Variants in IQCK observed in about 807,000 individuals in gnomAD.
The protein encoded by IQCK is IQ motif containing K.
IQCK carries 29 observed loss-of-function variants against 28.1 expected under a neutral mutation model. The ratio of observed to expected loss-of-function variants is 1.03; its 90% CI spans 0.77 to 1.41. IQCK has a LOEUF of 1.41. Among genes scored for constraint, IQCK ranks in the 40% most tolerant of loss-of-function variants. The pLI is 0.00. For synonymous variants in IQCK, 113 were observed against 115.1 expected (o/e 0.98, Z 0.12); for missense variants, 359 against 314.7 (o/e 1.14, Z -1.07).
intron 4 of IQCK, 112 bp from the exon 5 acceptor site, chr16:19,763,736 C>A: frequency 2.4e-6 from 2 of 829,478 alleles, no homozygotes; most frequent in Admixed American, 2.0e-5. Context: ...AGCCACCACA[C>A]CCAGCCAGTG....
intron 3 of IQCK, among the ~76,000 whole-genome samples, chr16:19,734,184 A>G (rs1462357613): frequency 6.6e-6 from 1 of 151,972 alleles, no homozygotes; most frequent in African/African-American, 2.4e-5. Flanking sequence ...CCATCTCTAC[A>G]TCTCTACAAA....
intron 9 of IQCK, among the ~76,000 whole-genome samples, chr16:19,852,137 T>C (rs2056491006): frequency 6.6e-6 from 1 of 152,128 alleles, no homozygotes; most frequent in African/African-American, 2.4e-5. Flanking sequence ...ATTCCATCCC[T>C]CCCCTCCTCA....
chr16:19,755,181 G>C (rs540939870), intron 4 of IQCK, among the ~76,000 whole-genome samples: 28 of 152,292 alleles, frequency 1.8e-4, no homozygotes, highest in African/African-American at 6.0e-4. Flanking sequence ...GAAAATACGT[G>C]GGAAAGGAGG....
intron 9 of IQCK, among the ~76,000 whole-genome samples, chr16:19,850,941 T>G (rs1293806360): frequency 1.3e-5 from 2 of 152,290 alleles, no homozygotes; most frequent in East Asian, 3.9e-4. Flanking sequence ...AAGGACCATT[T>G]GAGCCCAGGA....
chr16:19,759,451 C>A (rs146692898), intron 4 of IQCK, among the ~76,000 whole-genome samples: 1 of 152,010 alleles, frequency 6.6e-6, no homozygotes, highest in African/African-American at 2.4e-5. Flanking sequence ...TCAGGTGATC[C>A]GCCTGCCTCG....
chr16:19,756,012 G>T (rs1164610265), intron 4 of IQCK, among the ~76,000 whole-genome samples: 1 of 152,128 alleles, frequency 6.6e-6, no homozygotes, highest in Non-Finnish European at 1.5e-5. Context: ...GCAAGACCTT[G>T]TCTTTACTAA....
chr16:19,719,560 A>G (rs1165740106), intron 1 of IQCK, among the ~76,000 whole-genome samples: 1 of 151,012 alleles, frequency 6.6e-6, no homozygotes, highest in Admixed American at 6.6e-5. Context: ...ACTGCACTCC[A>G]GCCTGGGTGA....
At chr16:19,722,609 TC>T (rs1390561604) in intron 1 of IQCK, among the ~76,000 whole-genome samples, 7 of 152,330 alleles carry the variant, frequency 4.6e-5, no homozygotes, top group Admixed American at 3.9e-4. Context: ...GGAACTGTTT[TC>T]AATGCTGGGC....
intron 2 of IQCK, among the ~76,000 whole-genome samples, chr16:19,732,327 T>C (rs1858973): frequency 0.16 from 24,731 of 152,180 alleles, 2,165 homozygotes; most frequent in South Asian, 0.26. Context: ...TACTTGTGGG[T>C]TTGTTTTCTG....
intron 6 of IQCK, among the ~76,000 whole-genome samples, chr16:19,784,943 ACT>A (rs2055541916): frequency 1.3e-5 from 2 of 152,030 alleles, no homozygotes; most frequent in Non-Finnish European, 2.9e-5. Flanking sequence ...TAAATTTTGT[ACT>A]TTTAGTAGAG....
At chr16:19,815,627 C>T (rs902562784) in intron 7 of IQCK, among the ~76,000 whole-genome samples, 3 of 152,174 alleles carry the variant, frequency 2.0e-5, no homozygotes, top group Non-Finnish European at 2.9e-5. Context: ...GCTGCGATTG[C>T]ACCACTGCAT....
intron 4 of IQCK, among the ~76,000 whole-genome samples, chr16:19,741,699 A>G (rs867147912): frequency 1.4e-4 from 22 of 152,318 alleles, no homozygotes; most frequent in African/African-American, 5.1e-4. Flanking sequence ...AAAACTGTTC[A>G]TATGTGGCCA....
intron 9 of IQCK, among the ~76,000 whole-genome samples, chr16:19,856,227 T>C (rs2056559192): frequency 6.6e-6 from 1 of 152,234 alleles, no homozygotes; most frequent in Admixed American, 6.5e-5. Flanking sequence ...CAAAGCACAC[T>C]TCTGACCTCT....
chr16:19,792,569 CT>C (rs777960791), intron 7 of IQCK, among the ~76,000 whole-genome samples: 4 of 102,150 alleles, frequency 3.9e-5, no homozygotes, highest in South Asian at 2.9e-4. Context: ...TACTGAACAC[CT>C]TTTTTTTTTT....
chr16:19,768,926 G>A (rs1014994891), intron 6 of IQCK, among the ~76,000 whole-genome samples: 1 of 152,174 alleles, frequency 6.6e-6, no homozygotes, highest in Non-Finnish European at 1.5e-5. Flanking sequence ...GCTTAGCTGG[G>A]TGGTCGTGGT....
At chr16:19,749,735 C>T (rs2054960256) in intron 4 of IQCK, among the ~76,000 whole-genome samples, 1 of 151,082 alleles carries the variant, frequency 6.6e-6, no homozygotes, top group African/African-American at 2.4e-5. Context: ...CACTGCACTC[C>T]AGCCTGGGCA....
chr16:19,818,621 G>C (rs2056022051), intron 7 of IQCK, among the ~76,000 whole-genome samples: 1 of 152,132 alleles, frequency 6.6e-6, no homozygotes, highest in Non-Finnish European at 1.5e-5. Context: ...TCGAACTCCT[G>C]ACCTCAGGTG....
intron 4 of IQCK, among the ~76,000 whole-genome samples, chr16:19,749,848 T>C (rs2054962631): frequency 1.3e-5 from 2 of 152,126 alleles, no homozygotes; most frequent in African/African-American, 4.8e-5. Context: ...TTTATAGTCA[T>C]AGCTGTTATG....
chr16:19,724,835 A>G (rs760859499), intron 1 of IQCK, among the ~76,000 whole-genome samples: 3 of 152,168 alleles, frequency 2.0e-5, no homozygotes, highest in Non-Finnish European at 2.9e-5. Context: ...CCCGGCCACC[A>G]GTCAATGCTA....
Sources: allele counts gnomAD v4.1 joint callset (sites outside exome capture counted in the v4.1 genomes callset), GRCh38; gene constraint gnomAD v4.1.1; transcripts MANE v1.5; gene names NCBI Gene and HGNC (gene_info 2026-07-23, HGNC 2026-07-21).